MAGI1: variants seen among roughly 807,000 people sequenced by gnomAD.
MAGI1 encodes membrane associated guanylate kinase, WW and PDZ domain containing 1.
In MAGI1, 58 loss-of-function variants were observed where a neutral mutation model predicts 139.9. The ratio of observed to expected loss-of-function variants is 0.41; its 90% CI spans 0.34 to 0.52. MAGI1 has a LOEUF of 0.52. Ranked by LOEUF, MAGI1 falls within the 20% of genes least tolerant of loss-of-function variation. The pLI, the probability that MAGI1 is intolerant of heterozygous loss-of-function variation, is 0.12. For missense variants in MAGI1, 1,874 were observed against 1,901.6 expected (o/e 0.99, Z 0.27); for synonymous variants, 812 against 737.9 (o/e 1.10, Z -1.63).
At chr3:65,768,138 G>A (rs2037642943) in intron 1 of MAGI1, among the ~76,000 whole-genome samples, 1 of 152,162 alleles carries the variant, frequency 6.6e-6, no homozygotes, top group South Asian at 2.1e-4. Context: ...TACTTAAGCA[G>A]GCTGGGTGTG....
intron 2 of MAGI1, among the ~76,000 whole-genome samples, chr3:65,593,564 CTT>C (rs1268460379): frequency 6.6e-6 from 1 of 152,126 alleles, no homozygotes; most frequent in Non-Finnish European, 1.5e-5. Context: ...TACAAACAAA[CTT>C]ATGTTTCATT....
chr3:65,405,238 G>C (rs1945242781), intron 12 of MAGI1, among the ~76,000 whole-genome samples: 1 of 152,066 alleles, frequency 6.6e-6, no homozygotes, highest in Non-Finnish European at 1.5e-5. Flanking sequence ...AAAAACGAAT[G>C]GCAAATTCTT....
intron 1 of MAGI1, among the ~76,000 whole-genome samples, chr3:65,950,600 T>TA (rs1447825784): frequency 2.0e-5 from 3 of 152,294 alleles, no homozygotes; most frequent in Admixed American, 1.3e-4. Context: ...CTATGTAAAT[T>TA]AAACTCTGTT....
At position 65,361,203 on chromosome 3, in the gene MAGI1, T is replaced by C. The variant is rs1313583181; in HGVS notation, c.3630A>G (p.Glu1210=). ...FLKRGDGSVP[E]YDPSSDRHGP... is the part of the protein sequence containing the mutation. The stretch of plus-strand genomic sequence containing the variant: ...TGTTTTCATAGTTTGACCCACCATA[T>C]TCTGGTACTGAGCCGTCTCCCCGCT... The change falls in exon 22 of 23, where the codon GAA becomes GAG. Residue 1210 remains glutamate, a synonymous_variant. Transcript: ENST00000402939. 6.8e-6 allele frequency: 11 copies of C among 1,614,034 alleles called. No homozygotes were observed. The highest frequency in any genetic ancestry group is 1.3e-5 in the African/African-American group (1 of 74,908).
chr3:65,766,281 T>C (rs908363541), intron 1 of MAGI1, among the ~76,000 whole-genome samples: 3 of 152,162 alleles, frequency 2.0e-5, no homozygotes, highest in Admixed American at 2.0e-4. Flanking sequence ...GTATGTTATA[T>C]AGAACAAGGG....
intron 18 of MAGI1, among the ~76,000 whole-genome samples, chr3:65,373,715 G>A (rs1465326028): frequency 1.3e-5 from 2 of 152,094 alleles, no homozygotes; most frequent in Non-Finnish European, 2.9e-5. Context: ...ATCATCTTGT[G>A]ACCACTTTCC....
rs1232430900 is a variant in MAGI1 at position 65,583,419 on chromosome 3, GTC to G, written c.430+38551_430+38552del. ...CTGCTAACCAGGATAGAGTTACCCT[GTC>G]TCTCAGAGTCACAAATAATATATTT... On this transcript the variant is annotated intron_variant, in intron 2 of 22. Coordinates refer to ENST00000402939, the MANE Select transcript of MAGI1 (RefSeq NM_001033057.2). Among the ~76,000 whole-genome samples the G allele has an allele frequency of 3.3e-5, 5 of 152,256 alleles. No individual in the cohort carries two copies. In the East Asian group the frequency reaches 9.6e-4, roughly 29 times the overall value.
chr3:65,365,725 A>G (rs1411513917), intron 18 of MAGI1, among the ~76,000 whole-genome samples: 1 of 152,228 alleles, frequency 6.6e-6, no homozygotes, highest in Non-Finnish European at 1.5e-5. Context: ...TCACCTGTGC[A>G]TGCCCATTTA....
chr3:65,471,431 G>A (rs1950554775), intron 4 of MAGI1, among the ~76,000 whole-genome samples: 1 of 152,192 alleles, frequency 6.6e-6, no homozygotes, highest in Non-Finnish European at 1.5e-5. Flanking sequence ...ATAAAAGGCT[G>A]TTTTCAAAGC....
At chr3:65,770,921 A>T (rs60978215) in intron 1 of MAGI1, among the ~76,000 whole-genome samples, 2 of 151,578 alleles carry the variant, frequency 1.3e-5, no homozygotes, top group Non-Finnish European at 2.9e-5. Context: ...TTGATCTCCT[A>T]ACCTCGTGAT....
chr3:65,693,191 C>T (rs1473983346), intron 1 of MAGI1, among the ~76,000 whole-genome samples: 12 of 152,132 alleles, frequency 7.9e-5, no homozygotes, highest in African/African-American at 2.7e-4. Context: ...CCAATCCTCC[C>T]GCCTCAGCCT....
chr3:65,547,017 T>A (rs554306358), intron 2 of MAGI1, among the ~76,000 whole-genome samples: 1 of 152,280 alleles, frequency 6.6e-6, no homozygotes, highest in Non-Finnish European at 1.5e-5. Flanking sequence ...TCATAGAAGG[T>A]CTATGATGCA....
In MAGI1 at chr3:65,367,200, A is replaced by C. The variant is rs111374059; in HGVS notation, c.3197-2254T>G. ...ATGTCTCCTTGTAATCAAAGTGATT[A>C]TAATGATTGAATTGTACAGAGGTTC... On this transcript the variant is annotated intron_variant, in intron 18 of 22. Transcript: ENST00000402939. Among the ~76,000 whole-genome samples, 777 of 152,344 alleles carry C rather than the reference A, an allele frequency of 5.1e-3. 6 individuals carry two copies. The highest frequency in any genetic ancestry group is 0.018 in the African/African-American group (748 of 41,574).
At chr3:65,922,923 T>C (rs1267753149) in intron 1 of MAGI1, among the ~76,000 whole-genome samples, 1 of 130,622 alleles carries the variant, frequency 7.7e-6, no homozygotes, top group Non-Finnish European at 1.6e-5. Context: ...GGTAGGACTA[T>C]ACATAATAGG....
At chr3:65,873,542 G>C (rs986110740) in intron 1 of MAGI1, 1 of 152,196 alleles carries the variant, frequency 6.6e-6, no homozygotes, top group Non-Finnish European at 1.5e-5. Context: ...TGATCACAAA[G>C]GTTTCAGACA....
chr3:65,512,321 G>C (rs1174646875), intron 2 of MAGI1, among the ~76,000 whole-genome samples: 1 of 140,748 alleles, frequency 7.1e-6, no homozygotes, highest in Admixed American at 7.4e-5. Context: ...AGAACTGAAG[G>C]AAATAGAGAC....
intron 22 of MAGI1, chr3:65,360,736 C>A (rs1276280760): frequency 2.0e-6 from 2 of 1,007,032 alleles, no homozygotes; most frequent in Non-Finnish European, 2.4e-6. Context: ...AGCAAAGCCC[C>A]CAAATCTCTC....
At chr3:65,832,996 A>G (rs1210087715) in intron 1 of MAGI1, among the ~76,000 whole-genome samples, 2 of 152,214 alleles carry the variant, frequency 1.3e-5, no homozygotes, top group Non-Finnish European at 2.9e-5. Context: ...TGGTGCAATT[A>G]TATTCCCATT....
chr3:65,950,402 T>C (rs139694945), intron 1 of MAGI1, among the ~76,000 whole-genome samples: 1,924 of 152,102 alleles, frequency 0.013, 21 homozygotes, highest in South Asian at 0.022. Flanking sequence ...TATTCTCCCA[T>C]GGCCCCAAAA....
Sources: gnomAD v4.1 joint callset for allele counts (sites outside exome capture counted in the v4.1 genomes callset) on GRCh38, gnomAD v4.1.1 for gene constraint, MANE v1.5 for transcripts, NCBI Gene and HGNC (gene_info 2026-07-23, HGNC 2026-07-21) for gene names.